FHIT: variants seen among roughly 807,000 people sequenced by gnomAD.
The protein encoded by FHIT is bis(5'-adenosyl)-triphosphatase.
A neutral mutation model predicts 17.9 loss-of-function variants in FHIT; 19 were observed. That is an observed-to-expected ratio of 1.06 (90% CI 0.74 to 1.56). FHIT has a LOEUF of 1.56. Ranked by LOEUF, FHIT falls within the 40% of genes most tolerant of loss-of-function variation. The probability of loss-of-function intolerance (pLI) is 0.00; values close to 1 mark genes in which losing one functional copy is unlikely to be tolerated. For missense variants in FHIT, 248 were observed against 189.2 expected, an observed-to-expected ratio of 1.31 and a Z score of -1.82; for synonymous variants, 81 against 69.7, an observed-to-expected ratio of 1.16 and a Z score of -0.81.
At chr3:60,667,601 T>A (rs1478240031) in intron 4 of FHIT, among the ~76,000 whole-genome samples, 3 of 152,172 alleles carry the variant, frequency 2.0e-5, no homozygotes, top group Non-Finnish European at 2.9e-5. Context: ...ATCTGATTCA[T>A]CTTGGTGTTT....
At chr3:60,270,391 A>G (rs1367011890) in intron 5 of FHIT, among the ~76,000 whole-genome samples, 1 of 152,220 alleles carries the variant, frequency 6.6e-6, no homozygotes, top group African/African-American at 2.4e-5. Context: ...GCACAGTGAC[A>G]TGGTTCTACC....
At chr3:60,567,644 G>T (rs1464960752) in intron 4 of FHIT, among the ~76,000 whole-genome samples, 1 of 152,120 alleles carries the variant, frequency 6.6e-6, no homozygotes, top group South Asian at 2.1e-4. Context: ...CACAGCAAAA[G>T]AAACTACCAT....
At chr3:60,744,260 AAAC>A (rs782355193) in intron 4 of FHIT, among the ~76,000 whole-genome samples, 4,208 of 84,282 alleles carry the variant, frequency 0.05, 284 homozygotes, top group African/African-American at 0.15. Context: ...AAAAAAAACA[AAAC>A]AAAACAAAAA....
intron 5 of FHIT, among the ~76,000 whole-genome samples, chr3:60,186,676 T>C (rs1702172477): frequency 6.6e-6 from 1 of 152,130 alleles, no homozygotes; most frequent in South Asian, 2.1e-4. Context: ...ACGGGCCTCA[T>C]TAGCTCTAGT....
intron 5 of FHIT, among the ~76,000 whole-genome samples, chr3:60,025,994 A>G (rs887689959): frequency 1.3e-5 from 2 of 152,138 alleles, no homozygotes; most frequent in African/African-American, 4.8e-5. Flanking sequence ...CTCAGCATTT[A>G]TCACTAAACC....
chr3:60,670,589 A>G (rs2040483730), intron 4 of FHIT, among the ~76,000 whole-genome samples: 1 of 152,216 alleles, frequency 6.6e-6, no homozygotes, highest in Non-Finnish European at 1.5e-5. Flanking sequence ...CAGGAGAACT[A>G]GAACTTCAGA....
At chr3:60,997,962 A>T (rs922557655) in intron 3 of FHIT, among the ~76,000 whole-genome samples, 6 of 152,220 alleles carry the variant, frequency 3.9e-5, no homozygotes, top group Non-Finnish European at 7.3e-5. Context: ...ATATCTGATT[A>T]TACCTATAAA....
chr3:60,956,909 G>C (rs1053545993), intron 3 of FHIT, among the ~76,000 whole-genome samples: 1 of 141,628 alleles, frequency 7.1e-6, no homozygotes, highest in Non-Finnish European at 1.6e-5. Flanking sequence ...GAATATTTCA[G>C]TTTCGGGGGG....
At chr3:60,421,396 G>C (rs1012559322) in intron 5 of FHIT, among the ~76,000 whole-genome samples, 2 of 151,988 alleles carry the variant, frequency 1.3e-5, no homozygotes, top group African/African-American at 4.8e-5. Flanking sequence ...AAACATTTTA[G>C]CATACTTGGG....
chr3:60,068,011 G>C (rs1702594045), intron 5 of FHIT, among the ~76,000 whole-genome samples: 1 of 152,104 alleles, frequency 6.6e-6, no homozygotes, highest in South Asian at 2.1e-4. Flanking sequence ...CAAGGTGGGT[G>C]GATCATATGA....
At position 59,758,965 on chromosome 3, in the gene FHIT, A is replaced by C. The variant is rs1701362664; in HGVS notation, c.349-6644T>G. 5.9e-5 allele frequency among the ~76,000 whole-genome samples: 9 copies of C among 152,178 alleles called. No individual in the cohort carries two copies. In the South Asian group the frequency reaches 1.9e-3, roughly 32 times the overall value. ...TTTTTCATGGATGCATGGGAGTCAAAATAATTTCATGTTATAAGAACTCCG... is the reference window on the plus strand; with the variant it reads ...TTTTTCATGGATGCATGGGAGTCAACATAATTTCATGTTATAAGAACTCCG... On this transcript the variant is annotated intron_variant, in intron 8 of 9. Coordinates refer to ENST00000492590, the MANE Select transcript of FHIT (RefSeq NM_002012.4).
At chr3:60,252,737 T>A (rs942182230) in intron 5 of FHIT, among the ~76,000 whole-genome samples, 3 of 151,922 alleles carry the variant, frequency 2.0e-5, no homozygotes, top group African/African-American at 7.3e-5. Context: ...ATGCCTGTAA[T>A]CCCAGCACTT....
intron 4 of FHIT, among the ~76,000 whole-genome samples, chr3:60,692,193 C>T (rs183079542): frequency 6.6e-6 from 1 of 152,244 alleles, no homozygotes; most frequent in African/African-American, 2.4e-5. Context: ...TCCCCAAGGC[C>T]CTCGTAGTTT....
intron 2 of FHIT, among the ~76,000 whole-genome samples, chr3:61,078,685 C>T (rs1042040846): frequency 6.6e-6 from 1 of 152,134 alleles, no homozygotes; most frequent in Admixed American, 6.6e-5. Flanking sequence ...GTTCTTGAAG[C>T]TGAATTGCAA....
At chr3:61,090,372 G>A (rs891308755) in intron 2 of FHIT, among the ~76,000 whole-genome samples, 1 of 152,224 alleles carries the variant, frequency 6.6e-6, no homozygotes, top group South Asian at 2.1e-4. Flanking sequence ...TATTTCAACT[G>A]TGTATGCAAG....
At chr3:60,783,177 C>T (rs1380136051) in intron 4 of FHIT, among the ~76,000 whole-genome samples, 10 of 151,908 alleles carry the variant, frequency 6.6e-5, no homozygotes, top group East Asian at 1.9e-4. Flanking sequence ...GAAACAGTTT[C>T]GCCATGTTGC....
rs369195045 is a variant in FHIT at position 60,808,605 on chromosome 3, T to C, written c.-18+13314A>G. Reference sequence around the variant, plus strand: ...TCACTGTATAAAAAAGAATGAGTGTTCCAATGAGCTGAGCAGAGGAGGTTT... The same window carrying C: ...TCACTGTATAAAAAAGAATGAGTGTCCCAATGAGCTGAGCAGAGGAGGTTT... On this transcript the variant is annotated intron_variant, in intron 4 of 9. Transcript: ENST00000492590. Among the ~76,000 whole-genome samples, 16 of 152,302 alleles carry C rather than the reference T, an allele frequency of 1.1e-4. No individual in the cohort carries two copies. The South Asian group carries it at 3.3e-3, about 32-fold the overall frequency.
chr3:59,953,189 T>C (rs148024146), intron 7 of FHIT, among the ~76,000 whole-genome samples: 32 of 152,062 alleles, frequency 2.1e-4, no homozygotes, highest in African/African-American at 7.5e-4. Flanking sequence ...TATCTCTTCT[T>C]GTCTTTCTCT....
intron 8 of FHIT, among the ~76,000 whole-genome samples, chr3:59,852,329 C>A (rs781427944): frequency 6.6e-6 from 1 of 152,104 alleles, no homozygotes; most frequent in African/African-American, 2.4e-5. Flanking sequence ...CCAAGAAATG[C>A]GCCACACCTT....
Sources: gnomAD v4.1 joint callset for allele counts (sites outside exome capture counted in the v4.1 genomes callset) on GRCh38, gnomAD v4.1.1 for gene constraint, MANE v1.5 for transcripts, NCBI Gene and HGNC (gene_info 2026-07-23, HGNC 2026-07-21) for gene names.